FIGNL2: variants seen among roughly 807,000 people sequenced by gnomAD.
FIGNL2 encodes the protein fidgetin like 2.
For missense variants in FIGNL2, 1,060 were observed against 950.2 expected, an observed-to-expected ratio of 1.12 and a Z score of -1.52; for synonymous variants, 565 against 484.0, an observed-to-expected ratio of 1.17 and a Z score of -2.20.
intron 1 of FIGNL2, among the ~76,000 whole-genome samples, chr12:51,829,140 C>G (rs550190286): frequency 6.6e-6 from 1 of 152,396 alleles, no homozygotes; most frequent in African/African-American, 2.4e-5. Context: ...GGCAAGCCTC[C>G]TCTGAGCTCC....
rs376042839 is a variant in FIGNL2, at chr12:51,832,759, G to A, written c.-11-10335C>T. Among the ~76,000 whole-genome samples the A allele has an allele frequency of 1.6e-4, 24 of 152,170 alleles. No homozygotes were observed. In the South Asian group the frequency reaches 3.3e-3, roughly 21 times the overall value. Reference sequence around the variant, plus strand: ...AGCTGAGATTTCTCCCCTGCACTCCGCACTTTATTCAACCTTCTTGCTGAC... The same window carrying A: ...AGCTGAGATTTCTCCCCTGCACTCCACACTTTATTCAACCTTCTTGCTGAC... On this transcript the variant is annotated intron_variant, in intron 1 of 1. Coordinates refer to ENST00000618634, the MANE Select transcript of FIGNL2 (RefSeq NM_001384995.1).
At chr12:51,827,085 A>G (rs1321508649) in intron 1 of FIGNL2, among the ~76,000 whole-genome samples, 3 of 151,258 alleles carry the variant, frequency 2.0e-5, no homozygotes, top group Admixed American at 6.6e-5. Flanking sequence ...CCCTGCCCCC[A>G]CCCCCAGGCC....
At chr12:51,839,521 T>C (rs1369717295) in intron 1 of FIGNL2, among the ~76,000 whole-genome samples, 1 of 152,204 alleles carries the variant, frequency 6.6e-6, no homozygotes, top group Non-Finnish European at 1.5e-5. Flanking sequence ...TAGGGTGGTC[T>C]TTCTGTCTAA....
Position 51,820,352 on chromosome 12 carries a change from C to A in FIGNL2, c.*100G>T. On this transcript the variant is annotated 3_prime_UTR_variant, in exon 2 of 2. Transcript: ENST00000618634. ...CCTGTCCCCGATCCCACATTCACCACTCCAGCCCCTGCCAGCCGGGTTTAG... is the reference window on the plus strand; with the variant it reads ...CCTGTCCCCGATCCCACATTCACCAATCCAGCCCCTGCCAGCCGGGTTTAG... The A allele has an allele frequency of 3.4e-6, 5 of 1,476,614 alleles. No homozygotes were observed. In the South Asian group the frequency reaches 5.0e-5, roughly 15 times the overall value. The allele number at this position is 1,476,614 out of a possible 1,614,324, so 91.5% of individuals were successfully genotyped here.
Position 51,847,894 on chromosome 12 carries a change from T to G in FIGNL2, c.-12+646A>C, listed in dbSNP as rs984574293. On this transcript the variant is annotated intron_variant, in intron 1 of 1. Transcript: ENST00000618634. The stretch of plus-strand genomic sequence containing the variant: ...CCCCTTGTTGCCTGTAGCCCCAGGG[T>G]GAAGGTGAGTACAGCCTCCTACAAC... 1.7e-5 allele frequency: 16 copies of G among 918,258 alleles called. No individual in the cohort carries two copies. The African/African-American group carries it at 2.9e-4, about 16-fold the overall frequency. The allele number at this position is 918,258 out of a possible 1,614,324, so 56.9% of individuals were successfully genotyped here.
chr12:51,845,146 T>C (rs374814188), intron 1 of FIGNL2, among the ~76,000 whole-genome samples: 1 of 152,162 alleles, frequency 6.6e-6, no homozygotes, highest in African/African-American at 2.4e-5. Flanking sequence ...TCAAAAAAAG[T>C]TATGGATACC....
rs142139162 is a variant in FIGNL2, at chr12:51,823,915, C to G, written c.-11-1491G>C. Among the ~76,000 whole-genome samples, 45 of 152,286 alleles carry G rather than the reference C, an allele frequency of 3.0e-4. No individual in the cohort carries two copies. In the East Asian group the frequency reaches 8.5e-3, roughly 29 times the overall value. On this transcript the variant is annotated intron_variant, in intron 1 of 1. Coordinates refer to ENST00000618634, the MANE Select transcript of FIGNL2 (RefSeq NM_001384995.1). ...AGAAAACAGGTATGTGCCAAGGGCACTGGGGCTCAGGGCAACTTCCCAAGG... is the reference window on the plus strand; with the variant it reads ...AGAAAACAGGTATGTGCCAAGGGCAGTGGGGCTCAGGGCAACTTCCCAAGG...
chr12:51,843,893 G>T (rs1239903351), intron 1 of FIGNL2, among the ~76,000 whole-genome samples: 1 of 151,996 alleles, frequency 6.6e-6, no homozygotes, highest in Non-Finnish European at 1.5e-5. Flanking sequence ...GGGCAACATA[G>T]TGAGACCACC....
intron 1 of FIGNL2, among the ~76,000 whole-genome samples, chr12:51,843,109 G>A (rs1160822986): frequency 1.3e-5 from 2 of 152,212 alleles, no homozygotes; most frequent in Non-Finnish European, 2.9e-5. Context: ...CTCAGAGCCT[G>A]GTCCATAGGT....
chr12:51,831,942 G>C (rs1939481378), intron 1 of FIGNL2: 1 of 152,666 alleles, frequency 6.6e-6, no homozygotes, highest in Non-Finnish European at 1.5e-5. Context: ...CCAGGCTCAA[G>C]CATTCCTCCA....
intron 1 of FIGNL2, among the ~76,000 whole-genome samples, chr12:51,833,400 A>T (rs548231228): frequency 2.0e-5 from 3 of 152,100 alleles, no homozygotes; most frequent in Non-Finnish European, 4.4e-5. Context: ...CTCTTTTCTT[A>T]ACACAGTTGC....
chr12:51,822,077 C>T lies in FIGNL2; in HGVS notation c.337G>A (p.Glu113Lys), dbSNP rs1362052485. 2.5e-6 allele frequency: 4 copies of T among 1,610,904 alleles called. No individual in the cohort carries two copies. In the South Asian group the frequency reaches 3.3e-5, roughly 13 times the overall value. ...EPPYPLASLH[E>K]GLPGTKSGGG... ...CCCGATTTGGTTCCTGGGAGGCCTT[C>T]GTGGAGTGAGGCCAAGGGGTAGGGT... Residue 113 changes from glutamate to lysine, a missense_variant, in exon 2 of 2, where the codon GAA (glutamate) becomes AAA (lysine). Glu to Lys is a moderately conservative substitution (Grantham distance 56, BLOSUM62 1). Coordinates refer to ENST00000618634, the MANE Select transcript of FIGNL2 (RefSeq NM_001384995.1).
chr12:51,843,756 C>T (rs1939700251), intron 1 of FIGNL2, among the ~76,000 whole-genome samples: 1 of 152,134 alleles, frequency 6.6e-6, no homozygotes, highest in African/African-American at 2.4e-5. Flanking sequence ...TCTGCCCTGA[C>T]TCCATGTCGG....
rs142677269 is a variant in FIGNL2 at position 51,820,165 on chromosome 12, G to A, written c.*287C>T. On this transcript the variant is annotated 3_prime_UTR_variant, in exon 2 of 2. Coordinates refer to ENST00000618634, the MANE Select transcript of FIGNL2 (RefSeq NM_001384995.1). ...AGAGAGCAGGAGTTCTTAAGGCCCC[G>A]GGTGCCAGCCCATGCCGGATCTGCC... The A allele has an allele frequency of 8.5e-3, 3,788 of 443,816 alleles. 26 individuals are homozygous for A. Among genetic ancestry groups the A allele is most frequent in the Non-Finnish European group, 0.013 (3,157 of 248,218 alleles). 27.5% of individuals were successfully genotyped at this position (443,816 alleles called of 1,614,324 possible). A position where few individuals can be genotyped will look rare whatever the true frequency, so the allele number is the denominator to read the frequency against.
intron 1 of FIGNL2, chr12:51,835,458 CA>C (rs1419279957): frequency 1.3e-5 from 2 of 152,280 alleles, no homozygotes; most frequent in Admixed American, 1.3e-4. Context: ...CCAAGGCCAC[CA>C]GCCCAAAAGG....
intron 1 of FIGNL2, chr12:51,844,932 C>A: frequency 2.1e-6 from 2 of 935,484 alleles, no homozygotes; most frequent in Non-Finnish European, 2.5e-6. Context: ...GTGGGGAGGT[C>A]AGGAAACCCA....
In FIGNL2 at chr12:51,821,584, CG is replaced by C; in HGVS notation, c.829del (p.Arg277AlafsTer102). On this transcript the variant is annotated frameshift_variant, in exon 2 of 2. Coordinates refer to ENST00000618634, the MANE Select transcript of FIGNL2 (RefSeq NM_001384995.1). LOFTEE classifies it low-confidence loss of function (END_TRUNC). Reference sequence around the variant, plus strand: ...GGGCTCGTACGCGTACTTGCGGTAGCGGCCCTCGGGCCCCTCGTCGGCGGCC... The same window carrying C: ...GGGCTCGTACGCGTACTTGCGGTAGCGCCCTCGGGCCCCTCGTCGGCGGCC... ...RKAADEGPEG[R>X]YRKYAYEPAK... is the part of the protein sequence containing the mutation. 1 of 1,520,252 alleles carries C rather than the reference CG, an allele frequency of 6.6e-7. No individual in the cohort carries two copies. The highest frequency in any genetic ancestry group is 8.8e-7 in the Non-Finnish European group (1 of 1,140,944). The allele number at this position is 1,520,252 out of a possible 1,614,324, so 94.2% of individuals were successfully genotyped here.
rs895626855 is a variant in FIGNL2, at chr12:51,834,364, C to T, written c.-11-11940G>A. ...CACCTATCTCAGCCCCCCAGAGACT[C>T]CACAGGGCCTCTTTCTCTTTAAATC... On this transcript the variant is annotated intron_variant, in intron 1 of 1. Coordinates refer to ENST00000618634, the MANE Select transcript of FIGNL2 (RefSeq NM_001384995.1). Among the ~76,000 whole-genome samples, 9 of 152,248 alleles carry T rather than the reference C, an allele frequency of 5.9e-5. No homozygotes were observed. The South Asian group carries it at 1.2e-3, about 21-fold the overall frequency.
intron 1 of FIGNL2, among the ~76,000 whole-genome samples, chr12:51,843,740 C>T (rs778229866): frequency 6.6e-6 from 1 of 152,060 alleles, no homozygotes; most frequent in African/African-American, 2.4e-5. Context: ...ACCTGCCCAC[C>T]CCCTGTCTGC....
Sources: allele counts gnomAD v4.1 joint callset (sites outside exome capture counted in the v4.1 genomes callset), GRCh38; gene constraint gnomAD v4.1.1; transcripts MANE v1.5; gene names NCBI Gene and HGNC (gene_info 2026-07-23, HGNC 2026-07-21).